The following AGFG1 variants were observed in gnomAD, a reference collection of about 807,000 sequenced individuals.
AGFG1 encodes the protein arf-GAP domain and FG repeat-containing protein 1.
Under a neutral mutation model 60.6 loss-of-function variants are expected in AGFG1, and 10 were observed. The ratio of observed to expected loss-of-function variants is 0.16; its 90% CI spans 0.10 to 0.28. AGFG1 has a LOEUF of 0.28. Among genes scored for constraint, AGFG1 ranks in the 10% least tolerant of loss-of-function variants. AGFG1 has a pLI of 1.00. For synonymous variants in AGFG1, 247 were observed against 242.9 expected, an observed-to-expected ratio of 1.02 and a Z score of -0.16; for missense variants, 537 against 676.5, an observed-to-expected ratio of 0.79 and a Z score of 2.29.
intron 2 of AGFG1, among the ~76,000 whole-genome samples, chr2:227,506,566 A>AAAG (rs1484866671): frequency 4.3e-4 from 65 of 150,900 alleles, no homozygotes; most frequent in Non-Finnish European, 1.6e-4. Flanking sequence ...CTTAAAAAAA[A>AAAG]AAAAAAAAAA....
chr2:227,529,541 A>G (rs1041950630), intron 5 of AGFG1, among the ~76,000 whole-genome samples: 1 of 152,148 alleles, frequency 6.6e-6, no homozygotes, highest in African/African-American at 2.4e-5. Context: ...AGGCTGAGGT[A>G]TAGTATTTGT....
intron 5 of AGFG1, 147 bp from the exon 6 acceptor site, chr2:227,530,944 G>T (rs1000791723): frequency 1.3e-6 from 1 of 778,822 alleles, no homozygotes; most frequent in Non-Finnish European, 1.9e-6. Context: ...TGCTGGTAGG[G>T]TTTAAAATCT....
chr2:227,551,266 C>G (rs1243153159), intron 10 of AGFG1, among the ~76,000 whole-genome samples: 2 of 152,186 alleles, frequency 1.3e-5, no homozygotes, highest in Non-Finnish European at 2.9e-5. Context: ...TTGCCCTAAC[C>G]TTCCTTCAGT....
rs758304653 is a variant in AGFG1, at chr2:227,554,426, T to A, written c.1630-10T>A. On this transcript the variant is annotated splice_polypyrimidine_tract_variant and intron_variant, in intron 12 of 12. Coordinates refer to ENST00000310078, the MANE Select transcript of AGFG1 (RefSeq NM_004504.5). The stretch of plus-strand genomic sequence containing the variant: ...GTCTCTTTATTTATTTGTCTTATGT[T>A]TTCCTTTAGACTGGTGCACCAACAG... 1 of 1,608,676 alleles carries A rather than the reference T, an allele frequency of 6.2e-7. No individual in the cohort carries two copies. Among genetic ancestry groups the A allele is most frequent in the Admixed American group, 1.7e-5 (1 of 58,988 alleles).
chr2:227,475,806 T>C (rs76980249), intron 1 of AGFG1, among the ~76,000 whole-genome samples: 1,948 of 152,280 alleles, frequency 0.013, 14 homozygotes, highest in Non-Finnish European at 0.021. Flanking sequence ...CGTTACTGTA[T>C]TTACTTATTG....
In AGFG1 at chr2:227,555,107, T is replaced by A. The variant is rs1027677776; in HGVS notation, c.*612T>A. 6.6e-6 allele frequency: 1 copy of A among 152,576 alleles called. No individual in the cohort carries two copies. Among genetic ancestry groups the A allele is most frequent in the East Asian group, 1.9e-4 (1 of 5,202 alleles). The allele number at this position is 152,576 out of a possible 1,614,324, so 9.5% of individuals were successfully genotyped here. A position where few individuals can be genotyped will look rare whatever the true frequency, so the allele number is the denominator to read the frequency against. On this transcript the variant is annotated 3_prime_UTR_variant, in exon 13 of 13. Coordinates refer to ENST00000310078, the MANE Select transcript of AGFG1 (RefSeq NM_004504.5). The stretch of plus-strand genomic sequence containing the variant: ...GCTACAGTTTGCAGGTGAAAAAAAA[T>A]AAATATTATAAAATATGCTATTGTT...
chr2:227,478,532 G>A (rs1378531398), intron 1 of AGFG1, among the ~76,000 whole-genome samples: 4 of 152,016 alleles, frequency 2.6e-5, no homozygotes, highest in East Asian at 1.9e-4. Flanking sequence ...ATGGGGTTTC[G>A]CCATGTTGCC....
chr2:227,539,926 C>T (rs1692434861), intron 10 of AGFG1, among the ~76,000 whole-genome samples: 1 of 152,108 alleles, frequency 6.6e-6, no homozygotes, highest in South Asian at 2.1e-4. Flanking sequence ...GCCTCTACCT[C>T]CCGGATTCAA....
At chr2:227,510,541 AG>A (rs1691465914) in intron 2 of AGFG1, among the ~76,000 whole-genome samples, 2 of 152,042 alleles carry the variant, frequency 1.3e-5, no homozygotes, top group African/African-American at 4.8e-5. Context: ...TGGAGGGGTG[AG>A]TTGAGAGGGG....
At chr2:227,497,402 A>G (rs984422829) in intron 2 of AGFG1, among the ~76,000 whole-genome samples, 9 of 151,988 alleles carry the variant, frequency 5.9e-5, no homozygotes, top group African/African-American at 1.9e-4. Flanking sequence ...CACATGTGCT[A>G]TCTGTATTCT....
intron 6 of AGFG1, among the ~76,000 whole-genome samples, chr2:227,532,923 T>G (rs1284434891): frequency 6.6e-6 from 1 of 152,166 alleles, no homozygotes; most frequent in Non-Finnish European, 1.5e-5. Flanking sequence ...TAATGTATTA[T>G]GTACTGTAAT....
Position 227,559,985 on chromosome 2 carries a change from T to C in AGFG1, c.*5490T>C, listed in dbSNP as rs900643428. 6.6e-6 allele frequency: 1 copy of C among 152,184 alleles called. No homozygotes were observed. The highest frequency in any genetic ancestry group is 2.4e-5 in the African/African-American group (1 of 41,460). The allele number at this position is 152,184 out of a possible 1,614,324, so 9.4% of individuals were successfully genotyped here. A position where few individuals can be genotyped will look rare whatever the true frequency, so the allele number is the denominator to read the frequency against. ...CATAAAGTCAAAAAGTGTGTCTCCC[T>C]CTGTGACTTTATTCTCATACCCCAG... On this transcript the variant is annotated 3_prime_UTR_variant, in exon 13 of 13. Coordinates refer to ENST00000310078, the MANE Select transcript of AGFG1 (RefSeq NM_004504.5).
chr2:227,485,814 C>A (rs572559170), intron 1 of AGFG1, among the ~76,000 whole-genome samples: 3 of 152,064 alleles, frequency 2.0e-5, no homozygotes, highest in Non-Finnish European at 4.4e-5. Context: ...CTCATTTTTA[C>A]TCCATCTTTC....
At position 227,555,793 on chromosome 2, in the gene AGFG1, C is replaced by G. The variant is rs953278245; in HGVS notation, c.*1298C>G. The G allele has an allele frequency of 3.3e-5, 5 of 152,212 alleles. No homozygotes were observed. Among genetic ancestry groups the G allele is most frequent in the Admixed American group, 3.3e-4 (5 of 15,266 alleles). 9.4% of individuals were successfully genotyped at this position (152,212 alleles called of 1,614,324 possible). A position where few individuals can be genotyped will look rare whatever the true frequency, so the allele number is the denominator to read the frequency against. On this transcript the variant is annotated 3_prime_UTR_variant, in exon 13 of 13. Coordinates refer to ENST00000310078, the MANE Select transcript of AGFG1 (RefSeq NM_004504.5). ...GCAGTCTTGTGAAAACCGAACACAA[C>G]TCAGAAACTTGGAATCGTTTTTTTT...
At chr2:227,505,947 T>C (rs550797251) in intron 2 of AGFG1, among the ~76,000 whole-genome samples, 13 of 152,276 alleles carry the variant, frequency 8.5e-5, no homozygotes, top group African/African-American at 2.9e-4. Context: ...TTTCACTGTC[T>C]TGGCCAGGCT....
chr2:227,540,051 G>C (rs1179991825), intron 10 of AGFG1, among the ~76,000 whole-genome samples: 2 of 152,094 alleles, frequency 1.3e-5, no homozygotes, highest in Admixed American at 1.3e-4. Context: ...GACCAGACTG[G>C]TCTTGAACTC....
At chr2:227,473,913 A>G (rs1690202946) in intron 1 of AGFG1, among the ~76,000 whole-genome samples, 2 of 152,200 alleles carry the variant, frequency 1.3e-5, no homozygotes, top group South Asian at 4.1e-4. Context: ...GTGCCAGTAA[A>G]TATAGCAAAG....
chr2:227,485,640 A>G (rs1207421031), intron 1 of AGFG1, among the ~76,000 whole-genome samples: 1 of 151,128 alleles, frequency 6.6e-6, no homozygotes, highest in African/African-American at 2.4e-5. Flanking sequence ...AATCTCAGTC[A>G]TTATCACTTC....
intron 10 of AGFG1, among the ~76,000 whole-genome samples, chr2:227,550,752 T>A (rs1692794514): frequency 6.6e-6 from 1 of 152,224 alleles, no homozygotes; most frequent in African/African-American, 2.4e-5. Context: ...TTCAGCTTTT[T>A]AAAAATAAAA....
Sources: allele counts gnomAD v4.1 joint callset (sites outside exome capture counted in the v4.1 genomes callset), GRCh38; gene constraint gnomAD v4.1.1; transcripts MANE v1.5; gene names NCBI Gene and HGNC (gene_info 2026-07-23, HGNC 2026-07-21).